The following ZC2HC1B variants were observed in gnomAD, a reference collection of about 807,000 sequenced individuals.
ZC2HC1B encodes zinc finger C2HC-type containing 1B.
ZC2HC1B carries 36 observed loss-of-function variants against 31.0 expected under a neutral mutation model. The observed-to-expected ratio is 1.16, with a 90% CI of 0.89 to 1.54. The LOEUF (loss-of-function observed/expected upper bound fraction) is 1.54. ZC2HC1B is among the 40% of genes most tolerant of loss of function. ZC2HC1B has a pLI of 0.00. For synonymous variants in ZC2HC1B, 73 were observed against 88.0 expected (o/e 0.83, Z 0.95); for missense variants, 260 against 268.6 (o/e 0.97, Z 0.22).
chr6:143,868,302 C>T lies in ZC2HC1B; in HGVS notation c.28+3735C>T, dbSNP rs1034896939. Among the ~76,000 whole-genome samples the T allele has an allele frequency of 1.3e-5, 2 of 152,114 alleles. No individual in the cohort carries two copies. Among genetic ancestry groups the T allele is most frequent in the Admixed American group, 6.5e-5 (1 of 15,278 alleles). Reference sequence around the variant, plus strand: ...AAGGGGAATTTATTAAGTATTAACTCACAATCACAAGGTCCCACAATAGGC... The same window carrying T: ...AAGGGGAATTTATTAAGTATTAACTTACAATCACAAGGTCCCACAATAGGC... On this transcript the variant is annotated intron_variant, in intron 1 of 7. Coordinates refer to ENST00000237275, the MANE Select transcript of ZC2HC1B (RefSeq NM_001013623.3). This position sits in a 1 kb window ranked among gnomAD's most constrained non-coding sequence, Gnocchi z 4.2.
intron 4 of ZC2HC1B, among the ~76,000 whole-genome samples, chr6:143,896,800 C>A (rs568846466): frequency 2.6e-4 from 39 of 152,258 alleles, no homozygotes; most frequent in African/African-American, 7.7e-4. Context: ...GTCAGGCAAG[C>A]TCCAGCACTG....
In ZC2HC1B at chr6:143,886,083, T is replaced by A; in HGVS notation, c.142T>A (p.Phe48Ile). The change falls in exon 3 of 8, where the codon TTC becomes ATC. Residue 48 changes from phenylalanine (F) to isoleucine (I), a missense_variant. Physicochemically the swap from Phe to Ile is conservative, Grantham distance 21. Transcript: ENST00000237275. This position sits in a 1 kb window ranked among gnomAD's most constrained non-coding sequence, Gnocchi z 4.2. ...ACTCTTCAACAGAAAGCGTAAACCT[T>A]TCAGTTCTTTGAAGCAAAGATTACA... ...KKLFNRKRKP[F>I]SSLKQRLQGT... 1 of 1,549,086 alleles carries A rather than the reference T, an allele frequency of 6.5e-7. No individual in the cohort carries two copies. Among genetic ancestry groups the A allele is most frequent in the Non-Finnish European group, 8.7e-7 (1 of 1,146,220 alleles).
chr6:143,869,331 G>A lies in ZC2HC1B; in HGVS notation c.28+4764G>A, dbSNP rs767211182. ...GAGAACTTTACCCCAGCCCTTCAAC[G>A]TATTGTCACCTAGTTGTTGTAATTG... On this transcript the variant is annotated intron_variant, in intron 1 of 7. Transcript: ENST00000237275. The surrounding 1 kb of genome is among the most constrained non-coding windows in gnomAD (Gnocchi z 5.2). Among the ~76,000 whole-genome samples, 7 of 152,142 alleles carry A rather than the reference G, an allele frequency of 4.6e-5. No homozygotes were observed. The highest frequency in any genetic ancestry group is 7.4e-5 in the Non-Finnish European group (5 of 68,024).
intron 1 of ZC2HC1B, among the ~76,000 whole-genome samples, chr6:143,879,898 C>A (rs1253430122): frequency 7.4e-6 from 1 of 135,696 alleles, no homozygotes; most frequent in Admixed American, 8.1e-5. Flanking sequence ...AATCATGGCT[C>A]ACTGCAACCT....
chr6:143,936,526 G>A (rs1562351129), intron 6 of ZC2HC1B, among the ~76,000 whole-genome samples: 1 of 152,224 alleles, frequency 6.6e-6, no homozygotes, highest in African/African-American at 2.4e-5. Flanking sequence ...TTCAGATGGG[G>A]AATGAGTGTA....
intron 1 of ZC2HC1B, among the ~76,000 whole-genome samples, chr6:143,876,035 A>T (rs954363028): frequency 6.7e-6 from 1 of 150,350 alleles, no homozygotes; most frequent in African/African-American, 2.5e-5. Context: ...CAATTCCCTC[A>T]CTTTAACAGT....
In ZC2HC1B at chr6:143,886,544, G is replaced by C; in HGVS notation, c.211-139G>C. The C allele has an allele frequency of 1.2e-6, 1 of 849,578 alleles. No homozygotes were observed. The highest frequency in any genetic ancestry group is 1.6e-6 in the Non-Finnish European group (1 of 612,598). 52.6% of individuals were successfully genotyped at this position (849,578 alleles called of 1,614,324 possible). On this transcript the variant is annotated intron_variant, in intron 3 of 7. Transcript: ENST00000237275. This position sits in a 1 kb window ranked among gnomAD's most constrained non-coding sequence, Gnocchi z 4.2. ...TGTACTTTCCAAACCTCTTTAAGGA[G>C]TACTTTTGAAAAACAAACTCTCCTT...
intron 6 of ZC2HC1B, among the ~76,000 whole-genome samples, chr6:143,919,402 A>AG (rs1777961704): frequency 6.6e-6 from 1 of 152,108 alleles, no homozygotes; most frequent in South Asian, 2.1e-4. Flanking sequence ...TTTTAAAAAA[A>AG]CATTGTAGTT....
intron 5 of ZC2HC1B, 114 bp from the exon 6 acceptor site, chr6:143,902,930 T>G: frequency 1.1e-6 from 1 of 912,744 alleles, no homozygotes; most frequent in South Asian, 1.6e-5. Context: ...AGGGAGTCCC[T>G]GCAGATGATA....
At chr6:143,926,778 A>G (rs1778052379) in intron 6 of ZC2HC1B, among the ~76,000 whole-genome samples, 1 of 148,838 alleles carries the variant, frequency 6.7e-6, no homozygotes, top group African/African-American at 2.5e-5. Context: ...TTTGCTATAT[A>G]TAACTGGATG....
chr6:143,885,699 GT>G lies in ZC2HC1B; in HGVS notation c.91-328del, dbSNP rs148599281. ...GAAAGCTCTGCATGTTAGCTCTTCA[GT>G]TTTTGTATCAGAAATGTTGAATACT... On this transcript the variant is annotated intron_variant, in intron 2 of 7. Coordinates refer to ENST00000237275, the MANE Select transcript of ZC2HC1B (RefSeq NM_001013623.3). The surrounding 1 kb of genome is among the most constrained non-coding windows in gnomAD (Gnocchi z 4.2). Among the ~76,000 whole-genome samples the G allele has an allele frequency of 7.2e-3, 1,104 of 152,310 alleles. 12 individuals are homozygous for G. The highest frequency in any genetic ancestry group is 0.025 in the African/African-American group (1,050 of 41,566).
At chr6:143,877,268 A>ATTTTTTTTTT (rs1582952241) in intron 1 of ZC2HC1B, among the ~76,000 whole-genome samples, 1 of 48,556 alleles carries the variant, frequency 2.1e-5, no homozygotes, top group Admixed American at 2.0e-4. Flanking sequence ...GATTTTTTTA[A>ATTTTTTTTTT]TTTCTTTTTT....
At position 143,933,855 on chromosome 6, in the gene ZC2HC1B, C is replaced by A. The variant is rs1160099573; in HGVS notation, c.599-3794C>A. ...GCTTTCTGCAACAGTTCCTGTTTGCCCCCAGATTCTTCTCAAGAGGGTTTG... is the reference window on the plus strand; with the variant it reads ...GCTTTCTGCAACAGTTCCTGTTTGCACCCAGATTCTTCTCAAGAGGGTTTG... On this transcript the variant is annotated intron_variant, in intron 6 of 7. Coordinates refer to ENST00000237275, the MANE Select transcript of ZC2HC1B (RefSeq NM_001013623.3). The surrounding 1 kb of genome is among the most constrained non-coding windows in gnomAD (Gnocchi z 6.4). 6.6e-6 allele frequency among the ~76,000 whole-genome samples: 1 copy of A among 152,162 alleles called. No individual in the cohort carries two copies. The highest frequency in any genetic ancestry group is 1.5e-5 in the Non-Finnish European group (1 of 68,026).
intron 4 of ZC2HC1B, among the ~76,000 whole-genome samples, chr6:143,891,637 G>A (rs1308101562): frequency 1.3e-5 from 2 of 149,506 alleles, no homozygotes; most frequent in Admixed American, 1.3e-4. Flanking sequence ...AGGTTGCAGT[G>A]AGCAGAGATG....
chr6:143,926,009 T>C (rs778636278), intron 6 of ZC2HC1B, among the ~76,000 whole-genome samples: 2 of 152,220 alleles, frequency 1.3e-5, no homozygotes, highest in Non-Finnish European at 2.9e-5. Flanking sequence ...ATCCTCTCTC[T>C]TATTTTCTTG....
chr6:143,882,520 C>T (rs990684717), intron 1 of ZC2HC1B, among the ~76,000 whole-genome samples: 2 of 151,468 alleles, frequency 1.3e-5, no homozygotes, highest in Admixed American at 1.3e-4. Flanking sequence ...TAGCAGGCTA[C>T]CCATCTGCTT....
rs188883594 is a variant in ZC2HC1B, at chr6:143,887,885, T to C, written c.349+1064T>C. On this transcript the variant is annotated intron_variant, in intron 4 of 7. Coordinates refer to ENST00000237275, the MANE Select transcript of ZC2HC1B (RefSeq NM_001013623.3). The surrounding 1 kb of genome is among the most constrained non-coding windows in gnomAD (Gnocchi z 5.1). ...GACTGTCTTTTTCTCTCTCTCTTGA[T>C]AATAGCCTTTAATACACAAAAGTTT... Among the ~76,000 whole-genome samples the C allele has an allele frequency of 6.6e-4, 100 of 152,206 alleles. No homozygotes were observed. The highest frequency in any genetic ancestry group is 2.2e-3 in the African/African-American group (91 of 41,568).
chr6:143,891,556 G>A (rs979461792), intron 4 of ZC2HC1B, among the ~76,000 whole-genome samples: 1 of 151,938 alleles, frequency 6.6e-6, no homozygotes, highest in Non-Finnish European at 1.5e-5. Context: ...CAAAAAATTA[G>A]CTGGATGTGG....
In ZC2HC1B at chr6:143,915,132, C is replaced by T. The variant is rs7755832; in HGVS notation, c.598+11980C>T. Among the ~76,000 whole-genome samples, 7,702 of 152,204 alleles carry T rather than the reference C, an allele frequency of 0.051. 221 individuals are homozygous for T. Among genetic ancestry groups the T allele is most frequent in the South Asian group, 0.11 (542 of 4,828 alleles). On this transcript the variant is annotated intron_variant, in intron 6 of 7. Transcript: ENST00000237275. This position sits in a 1 kb window ranked among gnomAD's most constrained non-coding sequence, Gnocchi z 5.2. ...ACCCAAATTTCATCTTGAATTCCCA[C>T]GTGTTGTGGGAGGGACCCAGTGGGA...
Sources: gnomAD v4.1 joint callset for allele counts (sites outside exome capture counted in the v4.1 genomes callset) on GRCh38, gnomAD v4.1.1 for gene constraint, Gnocchi (gnomAD v3.1) non-coding constraint, MANE v1.5 for transcripts, NCBI Gene and HGNC (gene_info 2026-07-23, HGNC 2026-07-21) for gene names.